Variants in WWOX observed in about 807,000 individuals in gnomAD.
WWOX encodes the protein WW domain containing oxidoreductase.
In WWOX, 69 loss-of-function variants were observed where a neutral mutation model predicts 46.2. The observed-to-expected ratio is 1.49, with a 90% confidence interval of 1.23 to 1.82. The LOEUF (loss-of-function observed/expected upper bound fraction) is 1.82. Ranked by LOEUF, WWOX falls within the 40% of genes most tolerant of loss-of-function variation. WWOX has a pLI of 0.00. For missense variants in WWOX, 919 were observed against 542.6 expected (o/e 1.69, Z -6.89); for synonymous variants, 359 against 202.6 (o/e 1.77, Z -6.56).
chr16:78,566,680 C>A (rs1234865059), intron 8 of WWOX, among the ~76,000 whole-genome samples: 2 of 152,208 alleles, frequency 1.3e-5, no homozygotes, highest in Non-Finnish European at 2.9e-5. Context: ...GGGCTCACAA[C>A]AGTGCAGTCA....
rs1262704773 is a variant in WWOX at position 78,422,776 on chromosome 16, T to C, written c.606-2094T>C. Among the ~76,000 whole-genome samples the C allele has an allele frequency of 8.6e-3, 961 of 111,474 alleles. 29 individuals carry two copies. The highest frequency in any genetic ancestry group is 8.2e-3 in the African/African-American group (163 of 19,816). 73.1% of individuals were successfully genotyped at this position (111,474 alleles called of 152,430 possible). A position where few individuals can be genotyped will look rare whatever the true frequency, so the allele number is the denominator to read the frequency against. On this transcript the variant is annotated intron_variant, in intron 6 of 8. Coordinates refer to ENST00000566780, the MANE Select transcript of WWOX (RefSeq NM_016373.4). Reference sequence around the variant, plus strand: ...ATATATACACATATATATACACACATATATATATACACACACACATATATA... The same window carrying C: ...ATATATACACATATATATACACACACATATATATACACACACACATATATA...
intron 8 of WWOX, among the ~76,000 whole-genome samples, chr16:78,709,975 C>G (rs1393772331): frequency 6.6e-6 from 1 of 152,146 alleles, no homozygotes; most frequent in Non-Finnish European, 1.5e-5. Context: ...AGGTGTTCCA[C>G]CCTCCTTGTC....
chr16:78,926,807 C>T (rs562688534), intron 8 of WWOX, among the ~76,000 whole-genome samples: 39 of 151,936 alleles, frequency 2.6e-4, no homozygotes, highest in Admixed American at 1.4e-3. Flanking sequence ...TTTTTGTTTT[C>T]GTTTTTTGAG....
chr16:78,216,657 CT>C (rs1243341511), intron 5 of WWOX, among the ~76,000 whole-genome samples: 5 of 149,792 alleles, frequency 3.3e-5, no homozygotes, highest in African/African-American at 4.9e-5. Flanking sequence ...TCTTCTCCTG[CT>C]TTTTTTTTTC....
intron 2 of WWOX, among the ~76,000 whole-genome samples, 181 bp downstream of exon 2, chr16:78,108,668 G>A (rs1376129565): frequency 6.6e-6 from 1 of 152,200 alleles, no homozygotes; most frequent in African/African-American, 2.4e-5. Flanking sequence ...ATAGGGTGGA[G>A]TGAGGATGAT....
chr16:78,358,809 T>A (rs1030426083), intron 5 of WWOX, among the ~76,000 whole-genome samples: 1 of 149,982 alleles, frequency 6.7e-6, no homozygotes, highest in African/African-American at 2.4e-5. Context: ...TTTGTGTAGC[T>A]CTTTCTGACT....
At chr16:78,138,538 AT>A (rs2033877774) in intron 4 of WWOX, among the ~76,000 whole-genome samples, 1 of 152,236 alleles carries the variant, frequency 6.6e-6, no homozygotes, top group Admixed American at 6.5e-5. Flanking sequence ...AAATTAAAGA[AT>A]AAATGTCTCT....
chr16:78,973,593 C>G (rs1359047872), intron 8 of WWOX, among the ~76,000 whole-genome samples: 1 of 152,058 alleles, frequency 6.6e-6, no homozygotes, highest in African/African-American at 2.4e-5. Flanking sequence ...CTTTCTGTCT[C>G]AGTCTCTCAA....
chr16:78,684,892 G>A (rs1195186918), intron 8 of WWOX, among the ~76,000 whole-genome samples: 1 of 152,138 alleles, frequency 6.6e-6, no homozygotes. Flanking sequence ...TCAGAGCATA[G>A]GAACACTCAT....
At chr16:78,268,375 G>T (rs565623875) in intron 5 of WWOX, among the ~76,000 whole-genome samples, 1 of 152,182 alleles carries the variant, frequency 6.6e-6, no homozygotes, top group Non-Finnish European at 1.5e-5. Flanking sequence ...TCTTGGCCAA[G>T]TGTAGATTAT....
At chr16:78,425,136 T>C in intron 7 of WWOX, 81 bp downstream of exon 7, 9 of 1,573,084 alleles carry the variant, frequency 5.7e-6, no homozygotes, top group Non-Finnish European at 7.0e-6. Context: ...ATTCTGAAAA[T>C]AATTTTCATT....
intron 8 of WWOX, among the ~76,000 whole-genome samples, chr16:78,633,787 G>A (rs1040935180): frequency 1.3e-5 from 2 of 152,216 alleles, no homozygotes; most frequent in African/African-American, 2.4e-5. Flanking sequence ...GTGGTGTGCG[G>A]TGCAACCCGG....
At chr16:78,832,535 T>C (rs1358634739) in intron 8 of WWOX, among the ~76,000 whole-genome samples, 1 of 152,162 alleles carries the variant, frequency 6.6e-6, no homozygotes, top group Non-Finnish European at 1.5e-5. Context: ...ACTCTGCCAC[T>C]CCACACACCC....
chr16:78,776,406 A>G (rs2050191543), intron 8 of WWOX, among the ~76,000 whole-genome samples: 2 of 152,140 alleles, frequency 1.3e-5, no homozygotes. Flanking sequence ...GGGTCAACTC[A>G]TACCTACTGT....
intron 6 of WWOX, among the ~76,000 whole-genome samples, chr16:78,401,270 ATT>A (rs2082406639): frequency 6.8e-6 from 1 of 147,618 alleles, no homozygotes; most frequent in African/African-American, 2.6e-5. Flanking sequence ...AAGATAGTAA[ATT>A]AACAAAGTGG....
chr16:78,182,366 C>A (rs889548444), intron 5 of WWOX, among the ~76,000 whole-genome samples: 2 of 152,120 alleles, frequency 1.3e-5, no homozygotes, highest in African/African-American at 4.8e-5. Flanking sequence ...CATTCTCTTT[C>A]TTGTTCCAAC....
chr16:79,110,290 G>T (rs373725066), intron 8 of WWOX, among the ~76,000 whole-genome samples: 1 of 151,916 alleles, frequency 6.6e-6, no homozygotes, highest in Non-Finnish European at 1.5e-5. Context: ...CTACTTCCCC[G>T]CCACCTCTTC....
At chr16:78,446,562 T>C (rs2151404242) in intron 8 of WWOX, among the ~76,000 whole-genome samples, 1 of 152,154 alleles carries the variant, frequency 6.6e-6, no homozygotes, top group South Asian at 2.1e-4. Flanking sequence ...ATATTATAAT[T>C]AATATTATAA....
intron 5 of WWOX, among the ~76,000 whole-genome samples, chr16:78,333,329 A>C (rs193005484): frequency 1.1e-3 from 170 of 152,092 alleles, no homozygotes; most frequent in African/African-American, 4.0e-3. Context: ...GATTACAGAC[A>C]TGAGCCACCA....
Sources: allele counts gnomAD v4.1 joint callset (sites outside exome capture counted in the v4.1 genomes callset), GRCh38; gene constraint gnomAD v4.1.1; transcripts MANE v1.5; gene names NCBI Gene and HGNC (gene_info 2026-07-23, HGNC 2026-07-21).